Variants in TRAP1 observed in about 807,000 individuals in gnomAD.
The protein encoded by TRAP1 is TNF receptor associated protein 1.
In TRAP1, 102 loss-of-function variants were observed where a neutral mutation model predicts 89.1. The ratio of observed to expected loss-of-function variants is 1.15; its 90% CI spans 0.98 to 1.35. The LOEUF is 1.35. Among genes scored for constraint, TRAP1 ranks in the 40% most tolerant of loss-of-function variants. The probability of loss-of-function intolerance (pLI) is 0.00; values close to 1 mark genes in which losing one functional copy is unlikely to be tolerated. For missense variants in TRAP1, 1,256 were observed against 945.3 expected (o/e 1.33, Z -4.31); for synonymous variants, 508 against 388.0 (o/e 1.31, Z -3.64).
chr16:3,674,545 C>T lies in TRAP1; in HGVS notation c.889-51G>A, dbSNP rs1393306610. On this transcript the variant is annotated intron_variant, in intron 8 of 17. Coordinates refer to ENST00000246957, the MANE Select transcript of TRAP1 (RefSeq NM_016292.3). ...GCGTCGTGTTCACCACGCACGTCTTCTCCACCACCGTGCAGGCCTGAGCCA... is the reference window on the plus strand; with the variant it reads ...GCGTCGTGTTCACCACGCACGTCTTTTCCACCACCGTGCAGGCCTGAGCCA... 4 of 1,594,302 alleles carry T rather than the reference C, an allele frequency of 2.5e-6. No homozygotes were observed. The African/African-American group carries it at 4.0e-5, about 16-fold the overall frequency.
At chr16:3,664,783 C>T in intron 12 of TRAP1, 1 of 287,374 alleles carries the variant, frequency 3.5e-6, no homozygotes, top group South Asian at 4.3e-5. Context: ...CTTCCCTCTG[C>T]CCTCAGTGAC....
At chr16:3,673,048 C>T (rs569041644) in intron 9 of TRAP1, among the ~76,000 whole-genome samples, 202 of 152,278 alleles carry the variant, frequency 1.3e-3, no homozygotes, top group Admixed American at 5.0e-3. Flanking sequence ...CAGCCCACCC[C>T]CTAAGGAGGA....
chr16:3,682,026 CCAAA>C (rs1292621008), intron 4 of TRAP1, among the ~76,000 whole-genome samples: 1 of 152,060 alleles, frequency 6.6e-6, no homozygotes, highest in Non-Finnish European at 1.5e-5. Flanking sequence ...GATGAAAGAA[CCAAA>C]CAGAGCACAG....
chr16:3,675,922 G>GCT, intron 7 of TRAP1, 114 bp downstream of exon 7: 1 of 929,980 alleles, frequency 1.1e-6, no homozygotes, highest in Non-Finnish European at 1.6e-6. Flanking sequence ...GCCCTTCACG[G>GCT]CTCTGCCTGT....
At chr16:3,658,378 C>CCAAAGT (rs1471066665) in intron 17 of TRAP1, 148 bp from the exon 18 acceptor site, 1 of 679,392 alleles carries the variant, frequency 1.5e-6, no homozygotes, top group African/African-American at 1.8e-5. Flanking sequence ...CCCCCGCCTC[C>CCAAAGT]CAAAGTGCTG....
At chr16:3,698,511 C>T (rs2051321021) in intron 1 of TRAP1, among the ~76,000 whole-genome samples, 3 of 151,922 alleles carry the variant, frequency 2.0e-5, no homozygotes, top group Admixed American at 6.6e-5. Context: ...ACCGTGTTAG[C>T]CAGGATGGTC....
intron 1 of TRAP1, chr16:3,710,555 T>G (rs960653565): frequency 6.6e-6 from 1 of 152,200 alleles, no homozygotes; most frequent in African/African-American, 2.4e-5. Flanking sequence ...TGGAGTGTTC[T>G]AGAAAGACTT....
At chr16:3,687,952 T>C (rs2051159941) in intron 3 of TRAP1, among the ~76,000 whole-genome samples, 1 of 150,800 alleles carries the variant, frequency 6.6e-6, no homozygotes, top group East Asian at 1.9e-4. Context: ...CGGTGGCTGA[T>C]CTGGGCGGAA....
intron 1 of TRAP1, among the ~76,000 whole-genome samples, chr16:3,710,875 A>ATTTTT (rs1463164560): frequency 2.0e-4 from 12 of 59,130 alleles, no homozygotes; most frequent in African/African-American, 7.4e-4. Flanking sequence ...ATATATATAT[A>ATTTTT]TATATTTTTT....
At chr16:3,711,863 G>A (rs56026060) in intron 1 of TRAP1, among the ~76,000 whole-genome samples, 3,442 of 152,212 alleles carry the variant, frequency 0.023, 130 homozygotes, top group African/African-American at 0.078. Context: ...TAAGCAGGAC[G>A]GTGGTAAGAA....
At chr16:3,668,683 C>T (rs560400301) in intron 11 of TRAP1, among the ~76,000 whole-genome samples, 1 of 152,184 alleles carries the variant, frequency 6.6e-6, no homozygotes, top group Non-Finnish European at 1.5e-5. Context: ...GGGATGAGGA[C>T]CCCTGCTCTG....
rs371316491 is a variant in TRAP1 at position 3,708,011 on chromosome 16, C to G, written c.88+9410G>C. The stretch of plus-strand genomic sequence containing the variant: ...ACAAGCCGGGGCAATATAGTGGGAC[C>G]CCATCTCTAAAAAAAATGTTTTTTA... On this transcript the variant is annotated intron_variant, in intron 1 of 17. Coordinates refer to ENST00000246957, the MANE Select transcript of TRAP1 (RefSeq NM_016292.3). Among the ~76,000 whole-genome samples the G allele has an allele frequency of 7.9e-5, 12 of 152,028 alleles. No homozygotes were observed. In the East Asian group the frequency reaches 1.9e-3, roughly 24 times the overall value.
chr16:3,700,747 T>C lies in TRAP1; in HGVS notation c.89-9762A>G, dbSNP rs191780160. ...TCCCAAAGTGGTGGGATTACAGAAG[T>C]GAGCCACCGCACCTGGCCAAGGGTG... On this transcript the variant is annotated intron_variant, in intron 1 of 17. Coordinates refer to ENST00000246957, the MANE Select transcript of TRAP1 (RefSeq NM_016292.3). Among the ~76,000 whole-genome samples, 35 of 152,260 alleles carry C rather than the reference T, an allele frequency of 2.3e-4. No homozygotes were observed. The East Asian group carries it at 5.6e-3, about 24-fold the overall frequency.
chr16:3,664,721 C>A, intron 12 of TRAP1: 2 of 436,152 alleles, frequency 4.6e-6, no homozygotes, highest in Admixed American at 8.9e-5. Context: ...ACGCGCACCA[C>A]GCCCTGGGAG....
At chr16:3,667,771 T>C (rs1266572585) in intron 11 of TRAP1, among the ~76,000 whole-genome samples, 1 of 15,020 alleles carries the variant, frequency 6.7e-5, no homozygotes. Flanking sequence ...TTTTTTTTTT[T>C]TCCATCCGAC....
At chr16:3,672,597 CGCTGCAGAGG>C (rs2050928843) in intron 10 of TRAP1, 93 bp downstream of exon 10, 2 of 1,448,712 alleles carry the variant, frequency 1.4e-6, no homozygotes, top group African/African-American at 2.8e-5. Context: ...GCGGTGCTCT[CGCTGCAGAGG>C]GCTGCTGAGA....
intron 11 of TRAP1, 100 bp downstream of exon 11, chr16:3,671,622 C>A: frequency 7.4e-7 from 1 of 1,342,676 alleles, no homozygotes; most frequent in Non-Finnish European, 1.0e-6. Flanking sequence ...ACCACCTCTG[C>A]TCTCAGCTCC....
chr16:3,669,866 C>T (rs1017516896), intron 11 of TRAP1, among the ~76,000 whole-genome samples: 21 of 125,420 alleles, frequency 1.7e-4, no homozygotes, highest in Non-Finnish European at 2.5e-4. Context: ...AAAAAGATTT[C>T]AGAACAAAGA....
At chr16:3,705,070 C>T (rs1413711811) in intron 1 of TRAP1, among the ~76,000 whole-genome samples, 1 of 151,652 alleles carries the variant, frequency 6.6e-6, no homozygotes, top group Non-Finnish European at 1.5e-5. Context: ...AACCACAGAA[C>T]ATTTTTTTTT....
Sources: gnomAD v4.1 joint callset for allele counts (sites outside exome capture counted in the v4.1 genomes callset) on GRCh38, gnomAD v4.1.1 for gene constraint, MANE v1.5 for transcripts, NCBI Gene and HGNC (gene_info 2026-07-23, HGNC 2026-07-21) for gene names.